PPEF2: variants seen among roughly 807,000 people sequenced by gnomAD.
PPEF2 encodes protein phosphatase with EF-hand domain 2.
PPEF2 carries 84 observed loss-of-function variants against 84.7 expected under a neutral mutation model. The observed-to-expected ratio is 0.99, with a 90% CI of 0.83 to 1.19. The LOEUF (loss-of-function observed/expected upper bound fraction) is 1.19. Ranked by LOEUF, PPEF2 falls within the 50% of genes most tolerant of loss-of-function variation. The pLI is 0.00. For synonymous variants in PPEF2, 346 were observed against 345.2 expected (o/e 1.00, Z -0.03); for missense variants, 924 against 937.5 (o/e 0.99, Z 0.19).
intron 15 of PPEF2, among the ~76,000 whole-genome samples, chr4:75,865,840 T>G (rs1360060618): frequency 1.3e-5 from 2 of 152,116 alleles, no homozygotes; most frequent in Admixed American, 1.3e-4. Flanking sequence ...AGCACCATGG[T>G]GTTGAAGAAA....
Position 75,890,086 on chromosome 4 carries a change from G to A in PPEF2, c.288C>T (p.Asp96=), listed in dbSNP as rs777165998. Residue 96 remains aspartate, a synonymous_variant, in exon 5 of 17, where the codon GAC becomes GAT. Transcript: ENST00000286719. ...AGTCACTGCATTTCTTCATCTCGGAGTCCTGGGCGAATCTGTCCTCAGTGA... is the reference window on the plus strand; with the variant it reads ...AGTCACTGCATTTCTTCATCTCGGAATCCTGGGCGAATCTGTCCTCAGTGA... ...RIFTEDRFAQ[D]SEMKKCSDYE... The A allele has an allele frequency of 1.2e-6, 2 of 1,614,134 alleles. No individual in the cohort carries two copies. The highest frequency in any genetic ancestry group is 1.7e-6 in the Non-Finnish European group (2 of 1,180,024).
At chr4:75,882,792 C>T in intron 10 of PPEF2, 134 bp downstream of exon 10, 1 of 957,736 alleles carries the variant, frequency 1.0e-6, no homozygotes, top group Non-Finnish European at 1.5e-6. Flanking sequence ...TGTGCCCAGC[C>T]TCCATACTCT....
At chr4:75,871,661 G>T (rs1578003515) in intron 13 of PPEF2, among the ~76,000 whole-genome samples, 1 of 152,154 alleles carries the variant, frequency 6.6e-6, no homozygotes, top group East Asian at 1.9e-4. Flanking sequence ...TGTAGAGATG[G>T]GGTTTTGCCA....
Position 75,873,269 on chromosome 4 carries a change from C to T in PPEF2, c.1364G>A (p.Cys455Tyr). 6.2e-7 allele frequency: 1 copy of T among 1,614,072 alleles called. No homozygotes were observed. Among genetic ancestry groups the T allele is most frequent in the East Asian group, 2.2e-5 (1 of 44,884 alleles). ...TCCTCCTCGAATAGTGTTGGCCTTG[C>T]AGCCCTCTTGAGCCATGGGATCACT... ...LWSDPMAQEG[C>Y]KANTIRGGGC... The change falls in exon 12 of 17, where the codon TGC becomes TAC. Residue 455 changes from cysteine (C) to tyrosine (Y), a missense_variant. Coordinates refer to ENST00000286719, the MANE Select transcript of PPEF2 (RefSeq NM_006239.3).
intron 2 of PPEF2, among the ~76,000 whole-genome samples, chr4:75,893,965 T>A (rs1445176352): frequency 6.6e-5 from 10 of 152,184 alleles, no homozygotes; most frequent in Non-Finnish European, 1.3e-4. Context: ...TCTTTTAATA[T>A]CCTTTATCCC....
chr4:75,871,388 G>A (rs956153323), intron 13 of PPEF2, among the ~76,000 whole-genome samples: 3 of 152,084 alleles, frequency 2.0e-5, no homozygotes, highest in African/African-American at 7.2e-5. Flanking sequence ...GAAAATAGAA[G>A]AGTAACCTCA....
Position 75,873,287 on chromosome 4 carries a change from G to T in PPEF2, c.1346C>A (p.Pro449His). ...RQVVDILWSDPMAQEGCKANT... is the reference protein window; with the variant it reads ...RQVVDILWSDHMAQEGCKANT... ...GGCCTTGCAGCCCTCTTGAGCCATG[G>T]GATCACTCCACAGGATATCTACAAC... The change falls in exon 12 of 17, where the codon CCC becomes CAC. Residue 449 changes from proline to histidine, a missense_variant. Pro to His is a moderately conservative substitution (Grantham distance 77, BLOSUM62 -2). Transcript: ENST00000286719. The T allele has an allele frequency of 6.2e-7, 1 of 1,613,732 alleles. No individual in the cohort carries two copies. Among genetic ancestry groups the T allele is most frequent in the Non-Finnish European group, 8.5e-7 (1 of 1,179,926 alleles).
In PPEF2 at chr4:75,874,127, CAAATAAAT is replaced by C. The variant is rs10589641; in HGVS notation, c.1321-823_1321-816del. On this transcript the variant is annotated intron_variant, in intron 11 of 16. Transcript: ENST00000286719. ...CACCTCAAACAAACAAACAAACAAA[CAAATAAAT>C]AAATAAATAAATAAATAATTGCAGA... is the stretch of plus-strand genomic sequence containing the variant. 1.2e-3 allele frequency among the ~76,000 whole-genome samples: 174 copies of C among 150,352 alleles called. 1 individual carries two copies. Among genetic ancestry groups the C allele is most frequent in the African/African-American group, 3.9e-3 (159 of 40,812 alleles).
chr4:75,894,545 C>T (rs141135482), intron 2 of PPEF2, among the ~76,000 whole-genome samples: 65 of 152,274 alleles, frequency 4.3e-4, no homozygotes, highest in Non-Finnish European at 8.5e-4. Context: ...GAAATGAAGA[C>T]GGAACCCATA....
Position 75,876,472 on chromosome 4 carries a change from C to A in PPEF2, c.1135G>T (p.Gly379Cys), listed in dbSNP as rs748640426. 1.9e-6 allele frequency: 3 copies of A among 1,613,852 alleles called. No homozygotes were observed. The highest frequency in any genetic ancestry group is 8.5e-7 in the Non-Finnish European group (1 of 1,179,930). Residue 379 changes from glycine (G) to cysteine (C), a missense_variant, in exon 11 of 17, where the codon GGT becomes TGT. Coordinates refer to ENST00000286719, the MANE Select transcript of PPEF2 (RefSeq NM_006239.3). ...GAGAGCTCCCGCCCGTCCAGGGAACCGCTGCAGGGGATGCTGGAGGACCTG... is the reference window on the plus strand; with the variant it reads ...GAGAGCTCCCGCCCGTCCAGGGAACAGCTGCAGGGGATGCTGGAGGACCTG... ...TSRSSSIPCSGSLDGRELSRQ... is the reference protein window; with the variant it reads ...TSRSSSIPCSCSLDGRELSRQ...
intron 13 of PPEF2, among the ~76,000 whole-genome samples, chr4:75,869,422 T>C (rs1206277663): frequency 6.6e-6 from 1 of 152,178 alleles, no homozygotes; most frequent in African/African-American, 2.4e-5. Flanking sequence ...TAGGTCGAGG[T>C]CACATAGCTA....
At chr4:75,893,550 G>A (rs1232806502) in intron 2 of PPEF2, among the ~76,000 whole-genome samples, 1 of 151,968 alleles carries the variant, frequency 6.6e-6, no homozygotes, top group Non-Finnish European at 1.5e-5. Flanking sequence ...GTCCAGGGCT[G>A]GTGCTACAGA....
At position 75,896,394 on chromosome 4, in the gene PPEF2, G is replaced by T; in HGVS notation, c.-58-11C>A. 6.5e-7 allele frequency: 1 copy of T among 1,536,788 alleles called. No homozygotes were observed. The highest frequency in any genetic ancestry group is 9.0e-7 in the Non-Finnish European group (1 of 1,109,800). The stretch of plus-strand genomic sequence containing the variant: ...ACAGTGAGCTGTTTGCTGACAAAAT[G>T]AAGAGAGAATCTGTAATAGGAGATG... On this transcript the variant is annotated splice_polypyrimidine_tract_variant and intron_variant, in intron 1 of 16. Coordinates refer to ENST00000286719, the MANE Select transcript of PPEF2 (RefSeq NM_006239.3).
At chr4:75,899,505 C>A (rs1725074388) in intron 1 of PPEF2, among the ~76,000 whole-genome samples, 1 of 151,854 alleles carries the variant, frequency 6.6e-6, no homozygotes, top group Non-Finnish European at 1.5e-5. Flanking sequence ...AATCCCACTT[C>A]TTTTACTCTT....
intron 1 of PPEF2, among the ~76,000 whole-genome samples, chr4:75,897,201 A>G (rs554933756): frequency 2.0e-5 from 3 of 151,850 alleles, no homozygotes; most frequent in Non-Finnish European, 4.4e-5. Flanking sequence ...TGTGATACTA[A>G]ACTCTTATGT....
At chr4:75,888,106 G>A in intron 6 of PPEF2, 108 bp downstream of exon 6, 1 of 815,024 alleles carries the variant, frequency 1.2e-6, no homozygotes, top group South Asian at 1.5e-5. Flanking sequence ...GTTAAATTTG[G>A]CTTATCATCA....
chr4:75,897,633 G>C (rs1320436727), intron 1 of PPEF2, among the ~76,000 whole-genome samples: 2 of 152,136 alleles, frequency 1.3e-5, no homozygotes, highest in Non-Finnish European at 2.9e-5. Flanking sequence ...GAATTAGCTG[G>C]GTGTGGTGGT....
rs769624074 is a variant in PPEF2 at position 75,860,836 on chromosome 4, C to T, written c.2093G>A (p.Cys698Tyr). 4 of 1,614,108 alleles carry T rather than the reference C, an allele frequency of 2.5e-6. No individual in the cohort carries two copies. The highest frequency in any genetic ancestry group is 2.2e-5 in the South Asian group (2 of 91,094). Residue 698 changes from cysteine to tyrosine, a missense_variant, in exon 17 of 17, where the codon TGT (cysteine) becomes TAT (tyrosine). By Grantham distance (194) the Cys-to-Tyr change is radical. Coordinates refer to ENST00000286719, the MANE Select transcript of PPEF2 (RefSeq NM_006239.3). The part of the protein sequence containing the change: ...MNIDITDDCI[C>Y]DLARSIDFNK... ...GAAATCAATGCTCCGAGCAAGGTCA[C>T]AGATGCAGTCATCTGTAATGTCGAT...
chr4:75,864,559 C>T (rs1724083205), intron 15 of PPEF2, 32 bp from the exon 16 acceptor site: 4 of 1,511,170 alleles, frequency 2.6e-6, no homozygotes, highest in African/African-American at 1.4e-5. Context: ...CCTTCTTTGT[C>T]ATACGTTTAG....
Sources: gnomAD v4.1 joint callset for allele counts (sites outside exome capture counted in the v4.1 genomes callset) on GRCh38, gnomAD v4.1.1 for gene constraint, MANE v1.5 for transcripts, NCBI Gene and HGNC (gene_info 2026-07-23, HGNC 2026-07-21) for gene names.